The following ZDHHC11 variants were observed in gnomAD, a reference collection of about 807,000 sequenced individuals.
The protein encoded by ZDHHC11 is palmitoyltransferase ZDHHC11.
In ZDHHC11, 44 loss-of-function variants were observed where a neutral mutation model predicts 51.3. The ratio of observed to expected loss-of-function variants is 0.86; its 90% CI spans 0.67 to 1.10. The LOEUF (loss-of-function observed/expected upper bound fraction) is 1.10, where lower values mean the gene tolerates loss of function less well. Ranked by LOEUF, ZDHHC11 falls within the 50% of genes least tolerant of loss-of-function variation. ZDHHC11 has a pLI of 0.00. For missense variants in ZDHHC11, 400 were observed against 537.7 expected, an observed-to-expected ratio of 0.74 and a Z score of 2.53; for synonymous variants, 163 against 222.0, an observed-to-expected ratio of 0.73 and a Z score of 2.36.
chr5:855,096 G>C, upstream of ZDHHC11, among the ~76,000 whole-genome samples: 1 of 144,962 alleles, frequency 6.9e-6, no homozygotes, highest in African/African-American at 2.6e-5. Flanking sequence ...CGCGGGGACA[G>C]ACCCCACGGA....
intron 11 of ZDHHC11, among the ~76,000 whole-genome samples, chr5:802,019 T>C (rs566558044): frequency 6.6e-6 from 1 of 151,480 alleles, no homozygotes; most frequent in African/African-American, 2.4e-5. Flanking sequence ...AAGGAAAGGA[T>C]GCAAATGGGA....
intron 10 of ZDHHC11, among the ~76,000 whole-genome samples, chr5:817,546 T>A (rs1740971855): frequency 6.6e-6 from 1 of 151,440 alleles, no homozygotes; most frequent in South Asian, 2.1e-4. Flanking sequence ...CCTGTTACGT[T>A]TTGTGCTCTT....
intron 11 of ZDHHC11, among the ~76,000 whole-genome samples, chr5:810,521 A>G (rs1009117): frequency 0.21 from 31,769 of 148,086 alleles, 5,041 homozygotes; most frequent in African/African-American, 0.46. Context: ...CAGGCTCTTA[A>G]TGAATGGACT....
chr5:828,607 C>T (rs138445366), intron 7 of ZDHHC11, among the ~76,000 whole-genome samples: 5,624 of 151,328 alleles, frequency 0.037, 273 homozygotes, highest in Non-Finnish European at 0.054. Context: ...GACAGAAAGG[C>T]AACAAAGAAA....
At chr5:855,072 A>G (rs186737153), upstream of ZDHHC11, among the ~76,000 whole-genome samples, 249 of 131,714 alleles carry the variant, frequency 1.9e-3, no homozygotes, top group African/African-American at 6.9e-3. Context: ...CAGACCCCAC[A>G]GAGGACAGCG....
chr5:848,456 G>C, intron 2 of ZDHHC11, 26 bp downstream of exon 2: 2 of 1,185,976 alleles, frequency 1.7e-6, no homozygotes, highest in Non-Finnish European at 2.3e-6. Context: ...TGACACCTTG[G>C]GGCCTCGGCG....
rs1398080134 is a variant in ZDHHC11 at position 837,490 on chromosome 5, G to A, written c.785-10C>T. On this transcript the variant is annotated splice_polypyrimidine_tract_variant and intron_variant, in intron 5 of 12. Transcript: ENST00000283441. ...GTCATCTTCTTGGCCTCTGGAAAGG[G>A]AAAAGGAGGAACAGGACAAGATACC... 1.2e-6 allele frequency: 2 copies of A among 1,606,588 alleles called. No individual in the cohort carries two copies. Among genetic ancestry groups the A allele is most frequent in the Non-Finnish European group, 1.7e-6 (2 of 1,174,052 alleles).
intron 7 of ZDHHC11, among the ~76,000 whole-genome samples, chr5:833,220 G>A (rs1207485688): frequency 2.2e-3 from 341 of 152,270 alleles, no homozygotes; most frequent in Non-Finnish European, 3.8e-3. Flanking sequence ...GAAAATGCGC[G>A]TGCCCTTTGA....
intron 1 of ZDHHC11, among the ~76,000 whole-genome samples, chr5:856,307 C>A (rs1419087058): frequency 1.3e-5 from 2 of 150,892 alleles, no homozygotes; most frequent in African/African-American, 4.9e-5. Context: ...ACACAAGACA[C>A]CACACACACC....
intron 3 of ZDHHC11, among the ~76,000 whole-genome samples, chr5:846,629 C>T (rs1312554465): frequency 1.5e-5 from 2 of 132,928 alleles, no homozygotes; most frequent in South Asian, 2.3e-4. Flanking sequence ...ACCTCTCATC[C>T]TTGCGCCTCC....
intron 1 of ZDHHC11, among the ~76,000 whole-genome samples, chr5:849,021 C>A (rs1009773772): frequency 6.6e-6 from 1 of 151,716 alleles, no homozygotes; most frequent in Non-Finnish European, 1.5e-5. Context: ...CAGTCTTGCA[C>A]ACACGGCCCT....
intron 6 of ZDHHC11, among the ~76,000 whole-genome samples, chr5:834,057 T>C (rs1743430174): frequency 6.6e-6 from 1 of 152,302 alleles, no homozygotes; most frequent in Admixed American, 6.5e-5. Context: ...CAAACTGCTT[T>C]CCAGTGTGGT....
intron 1 of ZDHHC11, among the ~76,000 whole-genome samples, chr5:849,946 C>CTAG (rs1746890765): frequency 6.6e-6 from 1 of 151,330 alleles, no homozygotes; most frequent in Non-Finnish European, 1.5e-5. Flanking sequence ...GCAGGGCAGC[C>CTAG]CAGAGGCCCT....
At chr5:810,923 A>C (rs1273244363) in intron 11 of ZDHHC11, among the ~76,000 whole-genome samples, 434 of 151,284 alleles carry the variant, frequency 2.9e-3, no homozygotes, top group Non-Finnish European at 2.6e-3. Context: ...TTTAAAAAGC[A>C]GGTGCCTAAA....
intron 12 of ZDHHC11, among the ~76,000 whole-genome samples, chr5:799,236 G>A (rs1454391661): frequency 4.0e-5 from 6 of 150,686 alleles, no homozygotes; most frequent in Admixed American, 1.3e-4. Context: ...CCTTGTTGTC[G>A]AAAAGGGCCT....
chr5:848,616 G>C lies in ZDHHC11; in HGVS notation c.267C>G (p.Ile89Met). Reference sequence around the variant, plus strand: ...AGTCGGCCGGGTCGATGCAGGACGCGATCAGGTGGACGACGAGGTGGAACG... The same window carrying C: ...AGTCGGCCGGGTCGATGCAGGACGCCATCAGGTGGACGACGAGGTGGAACG... ...IFSFHLVVHL[I>M]ASCIDPADSN... The change falls in exon 2 of 13, where the codon ATC (isoleucine) becomes ATG (methionine). Residue 89 changes from isoleucine to methionine, a missense_variant. This residue lies in a region of ZDHHC11 where 22 missense variants were observed against 81.0 expected (regional missense o/e 0.27). Transcript: ENST00000283441. 2 of 1,573,456 alleles carry C rather than the reference G, an allele frequency of 1.3e-6. No individual in the cohort carries two copies. The highest frequency in any genetic ancestry group is 8.6e-7 in the Non-Finnish European group (1 of 1,162,810).
At chr5:837,849 G>A (rs1375806221) in intron 5 of ZDHHC11, among the ~76,000 whole-genome samples, 1 of 151,974 alleles carries the variant, frequency 6.6e-6, no homozygotes, top group Non-Finnish European at 1.5e-5. Flanking sequence ...CAGATCCCCT[G>A]GGATCGCTGG....
intron 4 of ZDHHC11, chr5:841,185 A>C (rs1342231187): frequency 1.1e-5 from 11 of 1,046,918 alleles, no homozygotes; most frequent in Non-Finnish European, 1.3e-5. Flanking sequence ...CCGGGGTCAC[A>C]GCACCCACCC....
chr5:809,422 T>A (rs369391765), intron 11 of ZDHHC11, among the ~76,000 whole-genome samples: 26 of 146,694 alleles, frequency 1.8e-4, no homozygotes, highest in Middle Eastern at 3.4e-3. Flanking sequence ...CAAATGTGGG[T>A]CCCGGATGAC....
Sources: allele counts gnomAD v4.1 joint callset (sites outside exome capture counted in the v4.1 genomes callset), GRCh38; gene constraint gnomAD v4.1.1; regional missense constraint gnomAD v4.1.1; transcripts MANE v1.5; gene names NCBI Gene and HGNC (gene_info 2026-07-23, HGNC 2026-07-21).